Variants in NEK7 observed in about 807,000 individuals in gnomAD.
NEK7 encodes serine/threonine-protein kinase Nek7.
A neutral mutation model predicts 44.6 loss-of-function variants in NEK7; 18 were observed. That is an observed-to-expected ratio of 0.40 (90% CI 0.28 to 0.60). The LOEUF (loss-of-function observed/expected upper bound fraction) is 0.60. Among genes scored for constraint, NEK7 ranks in the 20% least tolerant of loss-of-function variants. The probability of loss-of-function intolerance (pLI) is 0.38; values close to 1 mark genes in which losing one functional copy is unlikely to be tolerated. For missense variants in NEK7, 256 were observed against 366.5 expected (o/e 0.70, Z 2.46); for synonymous variants, 130 against 121.1 (o/e 1.07, Z -0.48).
intron 7 of NEK7, among the ~76,000 whole-genome samples, chr1:198,280,759 A>G (rs1249695693): frequency 6.7e-6 from 1 of 148,342 alleles, no homozygotes; most frequent in East Asian, 1.9e-4. Flanking sequence ...TATATAATAT[A>G]TATTGTTTTA....
At chr1:198,311,528 G>A (rs1242276866) in intron 9 of NEK7, among the ~76,000 whole-genome samples, 1 of 151,330 alleles carries the variant, frequency 6.6e-6, no homozygotes, top group African/African-American at 2.4e-5. Context: ...TTTTCAAAGG[G>A]AATGCTTCCA....
At chr1:198,235,939 G>C (rs1202797882) in intron 2 of NEK7, among the ~76,000 whole-genome samples, 7 of 152,028 alleles carry the variant, frequency 4.6e-5, no homozygotes, top group Non-Finnish European at 8.8e-5. Flanking sequence ...ATCTTATCTT[G>C]GAGTCTTGCA....
intron 1 of NEK7, among the ~76,000 whole-genome samples, chr1:198,227,855 A>C (rs373735566): frequency 1.3e-5 from 2 of 152,236 alleles, no homozygotes; most frequent in South Asian, 4.1e-4. Flanking sequence ...TTTGCTGTGC[A>C]GAAGCTCTTT....
intron 9 of NEK7, 92 bp from the exon 10 acceptor site, chr1:198,319,319 TA>T: frequency 1.4e-6 from 1 of 719,250 alleles, no homozygotes; most frequent in Non-Finnish European, 2.3e-6. Flanking sequence ...ACTTTCCTTG[TA>T]AAATCTATAG....
At chr1:198,285,637 T>G (rs1021831664) in intron 7 of NEK7, among the ~76,000 whole-genome samples, 14 of 152,024 alleles carry the variant, frequency 9.2e-5, no homozygotes, top group Non-Finnish European at 8.8e-5. Flanking sequence ...AAAAGATTAC[T>G]TCCATTCACA....
chr1:198,197,792 C>A, intron 1 of NEK7: 2 of 727,254 alleles, frequency 2.8e-6, no homozygotes, highest in South Asian at 2.8e-5. Context: ...GTCAGAGTCA[C>A]TGATGGAAGA....
rs185716710 is a variant in NEK7 at position 198,203,528 on chromosome 1, T to C, written c.-28-29025T>C. Among the ~76,000 whole-genome samples, 13 of 152,368 alleles carry C rather than the reference T, an allele frequency of 8.5e-5. No homozygotes were observed. The East Asian group carries it at 2.1e-3, about 25-fold the overall frequency. The stretch of plus-strand genomic sequence containing the variant: ...AATGTCTAGGAGAAGTAGAGATTTC[T>C]GTCTGTGCGGACATTGGTATCTATT... On this transcript the variant is annotated intron_variant, in intron 1 of 9. Coordinates refer to ENST00000367385, the MANE Select transcript of NEK7 (RefSeq NM_133494.3).
intron 7 of NEK7, among the ~76,000 whole-genome samples, chr1:198,287,902 C>T (rs989620570): frequency 6.6e-6 from 1 of 152,184 alleles, no homozygotes; most frequent in Non-Finnish European, 1.5e-5. Flanking sequence ...ATATTGCCAG[C>T]AGAGTAAATG....
chr1:198,186,905 A>T (rs1262290639), intron 1 of NEK7, among the ~76,000 whole-genome samples: 1 of 152,136 alleles, frequency 6.6e-6, no homozygotes, highest in Non-Finnish European at 1.5e-5. Context: ...TCCCTTCCTT[A>T]TGGGAAGTAT....
At chr1:198,235,181 A>G (rs1666513037) in intron 2 of NEK7, among the ~76,000 whole-genome samples, 1 of 152,168 alleles carries the variant, frequency 6.6e-6, no homozygotes, top group Non-Finnish European at 1.5e-5. Flanking sequence ...TTATAATGAT[A>G]AGTGATGTAT....
chr1:198,280,793 C>T (rs569682532), intron 7 of NEK7, among the ~76,000 whole-genome samples: 50 of 148,198 alleles, frequency 3.4e-4, no homozygotes, highest in African/African-American at 1.2e-3. Context: ...TGTATATATA[C>T]ACATTATAAA....
intron 5 of NEK7, among the ~76,000 whole-genome samples, chr1:198,270,190 T>A (rs1253912705): frequency 6.6e-6 from 1 of 152,018 alleles, no homozygotes; most frequent in Non-Finnish European, 1.5e-5. Flanking sequence ...ATATTTTAAA[T>A]TTTCATAGTT....
chr1:198,295,352 A>G (rs1654683082), intron 8 of NEK7, among the ~76,000 whole-genome samples: 1 of 152,096 alleles, frequency 6.6e-6, no homozygotes, highest in South Asian at 2.1e-4. Flanking sequence ...CCAGAATACT[A>G]ATCAGGAAAG....
In NEK7 at chr1:198,266,669, G is replaced by C. The variant is rs570569477; in HGVS notation, c.372+2434G>C. Among the ~76,000 whole-genome samples, 5 of 151,838 alleles carry C rather than the reference G, an allele frequency of 3.3e-5. No individual in the cohort carries two copies. In the East Asian group the frequency reaches 9.7e-4, roughly 30 times the overall value. On this transcript the variant is annotated intron_variant, in intron 5 of 9. Coordinates refer to ENST00000367385, the MANE Select transcript of NEK7 (RefSeq NM_133494.3). ...GCCAGTTTCTACATCAATAAAATTG[G>C]GTCAGTAATACCTGTCTTACAGTGT...
intron 1 of NEK7, among the ~76,000 whole-genome samples, chr1:198,158,538 C>T (rs1473878945): frequency 2.6e-5 from 4 of 152,166 alleles, no homozygotes; most frequent in Non-Finnish European, 5.9e-5. Context: ...GGACCTTGAG[C>T]TGCTGGTGGT....
At chr1:198,184,498 A>G (rs1405788751) in intron 1 of NEK7, among the ~76,000 whole-genome samples, 1 of 152,148 alleles carries the variant, frequency 6.6e-6, no homozygotes, top group Middle Eastern at 3.2e-3. Flanking sequence ...ATTTTTCTAG[A>G]TCATTCAAAG....
At position 198,232,579 on chromosome 1, in the gene NEK7, C is replaced by T. The variant is rs759234492; in HGVS notation, c.-2C>T. 1 of 1,596,022 alleles carries T rather than the reference C, an allele frequency of 6.3e-7. No homozygotes were observed. Among genetic ancestry groups the T allele is most frequent in the East Asian group, 2.2e-5 (1 of 44,696 alleles). On this transcript the variant is annotated 5_prime_UTR_variant, in exon 2 of 10. Coordinates refer to ENST00000367385, the MANE Select transcript of NEK7 (RefSeq NM_133494.3). ...GTTCTAAAGTTCCTGTTGCTTCAGA[C>T]AATGGATGAGCAATCACAAGGAATG... is the stretch of plus-strand genomic sequence containing the variant.
At chr1:198,304,407 A>G (rs1018681901) in intron 9 of NEK7, among the ~76,000 whole-genome samples, 18 of 152,178 alleles carry the variant, frequency 1.2e-4, no homozygotes, top group Admixed American at 6.5e-4. Flanking sequence ...CCAAAATATA[A>G]TGTACTTTAA....
rs1318669849 is a variant in NEK7 at position 198,201,373 on chromosome 1, C to T, written c.-28-31180C>T. ...AGGAGTATATAGTGGTTTTTTTTAA[C>T]ATATAAAATGTTATGTACTGTGCCT... On this transcript the variant is annotated intron_variant, in intron 1 of 9. Coordinates refer to ENST00000367385, the MANE Select transcript of NEK7 (RefSeq NM_133494.3). Among the ~76,000 whole-genome samples, 6 of 151,906 alleles carry T rather than the reference C, an allele frequency of 3.9e-5. No individual in the cohort carries two copies. In the East Asian group the frequency reaches 9.6e-4, roughly 24 times the overall value.
Sources: gnomAD v4.1 joint callset for allele counts (sites outside exome capture counted in the v4.1 genomes callset) on GRCh38, gnomAD v4.1.1 for gene constraint, MANE v1.5 for transcripts, NCBI Gene and HGNC (gene_info 2026-07-23, HGNC 2026-07-21) for gene names.